NTRK3: variants seen among roughly 807,000 people sequenced by gnomAD.
The protein encoded by NTRK3 is neurotrophic receptor tyrosine kinase 3, also known as NT-3 growth factor receptor.
In NTRK3, 24 loss-of-function variants were observed where a neutral mutation model predicts 91.7. The observed-to-expected ratio is 0.26, with a 90% CI of 0.19 to 0.37. The LOEUF (loss-of-function observed/expected upper bound fraction) is 0.37. NTRK3 is among the 10% of genes least tolerant of loss of function. NTRK3 has a pLI of 1.00. For synonymous variants in NTRK3, 483 were observed against 404.0 expected (o/e 1.20, Z -2.34); for missense variants, 880 against 1,068.9 (o/e 0.82, Z 2.46).
intron 13 of NTRK3, among the ~76,000 whole-genome samples, chr15:88,042,518 T>C (rs1211916823): frequency 6.6e-6 from 1 of 152,204 alleles, no homozygotes; most frequent in East Asian, 1.9e-4. Flanking sequence ...TCCGCACTTC[T>C]CCGCTCCTCT....
At chr15:88,048,773 A>G (rs1199268034) in intron 13 of NTRK3, among the ~76,000 whole-genome samples, 1 of 152,260 alleles carries the variant, frequency 6.6e-6, no homozygotes, top group Non-Finnish European at 1.5e-5. Flanking sequence ...AAGATCTTGT[A>G]AAAGTCAAAC....
chr15:88,119,510 G>T (rs997728544), intron 13 of NTRK3, among the ~76,000 whole-genome samples: 1 of 152,196 alleles, frequency 6.6e-6, no homozygotes, highest in African/African-American at 2.4e-5. Context: ...GCAAACATTT[G>T]TTAGGAGAAT....
intron 17 of NTRK3, among the ~76,000 whole-genome samples, chr15:87,906,674 A>C (rs997858535): frequency 2.6e-5 from 4 of 152,150 alleles, no homozygotes; most frequent in African/African-American, 9.7e-5. Flanking sequence ...TCCTTGGAGA[A>C]ACTAAATAAA....
intron 13 of NTRK3, among the ~76,000 whole-genome samples, chr15:88,088,529 T>C (rs1013228006): frequency 2.0e-5 from 3 of 152,190 alleles, no homozygotes; most frequent in Admixed American, 1.3e-4. Flanking sequence ...TGTAATAACA[T>C]GTTGTAACAG....
chr15:88,012,825 T>C (rs1336190270), intron 14 of NTRK3, among the ~76,000 whole-genome samples: 1 of 152,258 alleles, frequency 6.6e-6, no homozygotes, highest in Non-Finnish European at 1.5e-5. Context: ...AGAGGGCTTA[T>C]TGAAATGCAG....
At chr15:87,863,051 C>T (rs1198832181) in exon 19 of NTRK3, 1 of 230,756 alleles carries the variant, frequency 4.3e-6, no homozygotes, top group African/African-American at 2.2e-5. Flanking sequence ...GTTTACAAGT[C>T]AGTGGTATGT....
rs182881331 is a variant in NTRK3 at position 88,082,203 on chromosome 15, G to A, written c.1396+44068C>T. ...TGAGGCAGGAGAATGGAGTGAACCCGGGAGGTGGAGCTTGCAGTGAGCCGA... is the reference window on the plus strand; with the variant it reads ...TGAGGCAGGAGAATGGAGTGAACCCAGGAGGTGGAGCTTGCAGTGAGCCGA... On this transcript the variant is annotated intron_variant, in intron 13 of 18. Coordinates refer to ENST00000394480, the Ensembl canonical transcript of NTRK3. Among the ~76,000 whole-genome samples, 374 of 151,922 alleles carry A rather than the reference G, an allele frequency of 2.5e-3. 1 individual carries two copies. The highest frequency in any genetic ancestry group is 4.5e-3 in the Non-Finnish European group (304 of 67,950).
At chr15:88,093,052 TG>T (rs1597264176) in intron 13 of NTRK3, among the ~76,000 whole-genome samples, 1 of 151,446 alleles carries the variant, frequency 6.6e-6, no homozygotes, top group East Asian at 1.9e-4. Context: ...TTTTTGGCTT[TG>T]GGGTTTTTTT....
At chr15:88,015,095 C>T (rs2077135744) in intron 14 of NTRK3, among the ~76,000 whole-genome samples, 1 of 152,168 alleles carries the variant, frequency 6.6e-6, no homozygotes, top group Non-Finnish European at 1.5e-5. Context: ...CTTTCTGGAA[C>T]AGGGGTCTCT....
chr15:88,110,957 G>T (rs2051277059), intron 13 of NTRK3, among the ~76,000 whole-genome samples: 1 of 152,216 alleles, frequency 6.6e-6, no homozygotes, highest in African/African-American at 2.4e-5. Context: ...TGCAAAGAGA[G>T]AAGGGACAAC....
At chr15:88,020,698 A>G (rs2077535757) in intron 14 of NTRK3, among the ~76,000 whole-genome samples, 1 of 152,284 alleles carries the variant, frequency 6.6e-6, no homozygotes. Flanking sequence ...AAATTTAGAG[A>G]AGGCAGGTGT....
chr15:88,099,191 G>A (rs879930272), intron 13 of NTRK3: 2 of 230,354 alleles, frequency 8.7e-6, no homozygotes, highest in Non-Finnish European at 1.7e-5. Flanking sequence ...AGTGTATTGG[G>A]CAGCTTATTA....
chr15:87,872,191 A>T lies in NTRK3; in HGVS notation c.*4744T>A, dbSNP rs1201460193. 6.3e-5 allele frequency: 14 copies of T among 220,602 alleles called. No individual in the cohort carries two copies. The East Asian group carries it at 9.3e-4, about 15-fold the overall frequency. 13.7% of individuals were successfully genotyped at this position (220,602 alleles called of 1,614,324 possible). A position where few individuals can be genotyped will look rare whatever the true frequency, so the allele number is the denominator to read the frequency against. ...CTCTGGACTGCTGGCAGGTGGGTTCATTCAACAAACATCCCTAGACATTTC... is the reference window on the plus strand; with the variant it reads ...CTCTGGACTGCTGGCAGGTGGGTTCTTTCAACAAACATCCCTAGACATTTC... On this transcript the variant is annotated 3_prime_UTR_variant, in exon 19 of 19. Coordinates refer to ENST00000394480, the Ensembl canonical transcript of NTRK3.
chr15:88,218,416 A>G (rs749947714), intron 3 of NTRK3, among the ~76,000 whole-genome samples: 10 of 152,174 alleles, frequency 6.6e-5, no homozygotes, highest in Non-Finnish European at 1.3e-4. Flanking sequence ...GCTTACTGTG[A>G]CCCAGCACAG....
intron 17 of NTRK3, among the ~76,000 whole-genome samples, chr15:87,889,247 C>T (rs1246604896): frequency 6.6e-6 from 1 of 152,108 alleles, no homozygotes; most frequent in African/African-American, 2.4e-5. Flanking sequence ...TGATCATAAG[C>T]ACCTGGCATG....
Position 88,006,376 on chromosome 15 carries a change from G to A in NTRK3, c.1585+26481C>T, listed in dbSNP as rs201742223. Among the ~76,000 whole-genome samples the A allele has an allele frequency of 2.0e-4, 31 of 152,360 alleles. 1 individual carries two copies. In the East Asian group the frequency reaches 5.8e-3, roughly 28 times the overall value. On this transcript the variant is annotated intron_variant, in intron 14 of 18. Transcript: ENST00000394480. ...AGGCAAAGTGCTTTTCAGATTAGCAGTGGAGGCAGCTTTTCTCCTGAAGCA... is the reference window on the plus strand; with the variant it reads ...AGGCAAAGTGCTTTTCAGATTAGCAATGGAGGCAGCTTTTCTCCTGAAGCA...
intron 13 of NTRK3, among the ~76,000 whole-genome samples, chr15:88,038,647 T>C (rs1344444703): frequency 6.6e-6 from 1 of 152,296 alleles, no homozygotes; most frequent in South Asian, 2.1e-4. Flanking sequence ...ATGGGGTAGA[T>C]GGGAAATCTC....
At chr15:88,133,676 C>G (rs1479122393) in intron 10 of NTRK3, among the ~76,000 whole-genome samples, 2 of 152,194 alleles carry the variant, frequency 1.3e-5, no homozygotes, top group African/African-American at 4.8e-5. Flanking sequence ...GCTCTAAAAG[C>G]CTCTTCTTCC....
In NTRK3 at chr15:88,102,893, A is replaced by G. The variant is rs182742673; in HGVS notation, c.1396+23378T>C. 3.7e-3 allele frequency among the ~76,000 whole-genome samples: 566 copies of G among 152,316 alleles called. 1 individual carries two copies. The highest frequency in any genetic ancestry group is 6.5e-3 in the Non-Finnish European group (445 of 68,030). On this transcript the variant is annotated intron_variant, in intron 13 of 18. Coordinates refer to ENST00000394480, the Ensembl canonical transcript of NTRK3. The stretch of plus-strand genomic sequence containing the variant: ...TTGCACAAAGGTATAACCACCCTCC[A>G]GTCAGAGTTGATGAAGGCGTTTTGA...
Sources: gnomAD v4.1 joint callset for allele counts (sites outside exome capture counted in the v4.1 genomes callset) on GRCh38, gnomAD v4.1.1 for gene constraint, MANE v1.5 for transcripts, NCBI Gene and HGNC (gene_info 2026-07-23, HGNC 2026-07-21) for gene names.